The following GUCY1A1 variants were observed in gnomAD, a reference collection of about 807,000 sequenced individuals.
GUCY1A1 encodes guanylate cyclase 1 soluble subunit alpha 1.
Under a neutral mutation model 64.5 loss-of-function variants are expected in GUCY1A1, and 48 were observed. The observed-to-expected ratio is 0.74, with a 90% CI of 0.59 to 0.95. GUCY1A1 has a LOEUF of 0.95. Among genes scored for constraint, GUCY1A1 ranks in the 40% least tolerant of loss-of-function variants. The pLI is 0.00. For synonymous variants in GUCY1A1, 308 were observed against 303.4 expected (o/e 1.02, Z -0.16); for missense variants, 804 against 825.3 (o/e 0.97, Z 0.32).
At chr4:155,728,087 T>A (rs1055857201) in intron 9 of GUCY1A1, among the ~76,000 whole-genome samples, 1 of 151,926 alleles carries the variant, frequency 6.6e-6, no homozygotes. Flanking sequence ...AGTGAACATA[T>A]CCATATCCTT....
intron 2 of GUCY1A1, among the ~76,000 whole-genome samples, chr4:155,680,444 G>C (rs1038670201): frequency 1.5e-4 from 22 of 143,916 alleles, no homozygotes; most frequent in African/African-American, 5.7e-4. Context: ...ATTCCTACAT[G>C]AACAATTTTA....
At chr4:155,695,524 T>C (rs1459860369) in intron 2 of GUCY1A1, among the ~76,000 whole-genome samples, 1 of 152,174 alleles carries the variant, frequency 6.6e-6, no homozygotes, top group African/African-American at 2.4e-5. Flanking sequence ...CAAAGCCCGA[T>C]TGTGTAGAAA....
chr4:155,683,368 A>G (rs1190136172), intron 2 of GUCY1A1, among the ~76,000 whole-genome samples: 1 of 152,226 alleles, frequency 6.6e-6, no homozygotes, highest in Admixed American at 6.5e-5. Context: ...AAAAAATTGA[A>G]TAAATTTAAT....
At chr4:155,713,008 G>T in intron 6 of GUCY1A1, 90 bp from the exon 7 acceptor site, 1 of 1,111,098 alleles carries the variant, frequency 9.0e-7, no homozygotes, top group Non-Finnish European at 1.3e-6. Context: ...AACACAAAGG[G>T]TTTATTACTG....
Position 155,697,108 on chromosome 4 carries a change from C to A in GUCY1A1, c.241C>A (p.Leu81Met). 6.2e-7 allele frequency: 1 copy of A among 1,613,164 alleles called. No homozygotes were observed. The highest frequency in any genetic ancestry group is 8.5e-7 in the Non-Finnish European group (1 of 1,179,224). The change falls in exon 3 of 10, where the codon CTG becomes ATG. Residue 81 changes from leucine to methionine, a missense_variant. Leu to Met is a conservative substitution (Grantham distance 15). Coordinates refer to ENST00000506455, the MANE Select transcript of GUCY1A1 (RefSeq NM_001130682.3). The stretch of plus-strand genomic sequence containing the variant: ...CACTTTGGCAGAGAGTATTTGCAAA[C>A]TGATTTTCCCAGAGGTGAGTGCGTG... ...LHTLAESICK[L>M]IFPEFERLNV...
intron 2 of GUCY1A1, among the ~76,000 whole-genome samples, chr4:155,693,412 A>G (rs964431243): frequency 6.6e-6 from 1 of 152,086 alleles, no homozygotes; most frequent in Non-Finnish European, 1.5e-5. Context: ...TATGTACTGA[A>G]TTCACCCACT....
At chr4:155,711,682 GATTA>G (rs1278502317) in intron 6 of GUCY1A1, among the ~76,000 whole-genome samples, 1 of 152,122 alleles carries the variant, frequency 6.6e-6, no homozygotes, top group African/African-American at 2.4e-5. Flanking sequence ...TAATTTATTT[GATTA>G]ATTGTTACCG....
chr4:155,700,850 A>G (rs1412794964), intron 3 of GUCY1A1, among the ~76,000 whole-genome samples: 1 of 152,232 alleles, frequency 6.6e-6, no homozygotes, highest in East Asian at 1.9e-4. Context: ...CAATGTTTAC[A>G]TATATTGAAC....
chr4:155,671,136 C>A (rs193249632), intron 2 of GUCY1A1, among the ~76,000 whole-genome samples: 7 of 152,122 alleles, frequency 4.6e-5, no homozygotes, highest in African/African-American at 1.7e-4. Context: ...TGAATTAAGG[C>A]TTGTTTATGC....
At chr4:155,724,410 A>G (rs1189909389) in intron 9 of GUCY1A1, among the ~76,000 whole-genome samples, 2 of 151,870 alleles carry the variant, frequency 1.3e-5, no homozygotes, top group Non-Finnish European at 2.9e-5. Context: ...GTCTATACTC[A>G]CTATCTGTAT....
intron 4 of GUCY1A1, among the ~76,000 whole-genome samples, chr4:155,705,374 C>A (rs1325328996): frequency 1.3e-5 from 2 of 151,800 alleles, no homozygotes; most frequent in Non-Finnish European, 2.9e-5. Context: ...CATGGCGAAA[C>A]CCCGTCTCTA....
rs776457048 is a variant in GUCY1A1, at chr4:155,736,526, T to G, written c.*6295T>G. The G allele has an allele frequency of 6.6e-6, 1 of 151,984 alleles. No individual in the cohort carries two copies. The highest frequency in any genetic ancestry group is 1.5e-5 in the Non-Finnish European group (1 of 67,952). The allele number at this position is 151,984 out of a possible 1,614,324, so 9.4% of individuals were successfully genotyped here. ...TAATAAATTTTGACTAAGAACTTAC[T>G]GTTTAGAGAGAAAAAATAGTAAATA... On this transcript the variant is annotated 3_prime_UTR_variant, in exon 10 of 10. Transcript: ENST00000506455.
chr4:155,674,122 G>A (rs754226889), intron 2 of GUCY1A1, among the ~76,000 whole-genome samples: 3 of 151,272 alleles, frequency 2.0e-5, no homozygotes, highest in Admixed American at 6.6e-5. Context: ...TTGGGAGGCC[G>A]AGGCGGGTAG....
chr4:155,727,680 AC>A (rs1395528431), intron 9 of GUCY1A1, among the ~76,000 whole-genome samples: 1 of 151,802 alleles, frequency 6.6e-6, no homozygotes, highest in Non-Finnish European at 1.5e-5. Flanking sequence ...ATATAAAAAA[AC>A]AAAGCAAACA....
chr4:155,709,384 T>C (rs1188466580), intron 5 of GUCY1A1, among the ~76,000 whole-genome samples: 1 of 152,246 alleles, frequency 6.6e-6, no homozygotes, highest in African/African-American at 2.4e-5. Context: ...ATGTTAAGTG[T>C]TACTTTGTTA....
chr4:155,673,333 A>G (rs568795645), intron 2 of GUCY1A1, among the ~76,000 whole-genome samples: 3 of 151,748 alleles, frequency 2.0e-5, no homozygotes, highest in Admixed American at 1.3e-4. Flanking sequence ...TAAAGTCTGC[A>G]TGAACAAAAC....
intron 2 of GUCY1A1, among the ~76,000 whole-genome samples, chr4:155,694,456 G>A (rs952142144): frequency 6.6e-6 from 1 of 152,214 alleles, no homozygotes; most frequent in African/African-American, 2.4e-5. Flanking sequence ...TATTTTTGGA[G>A]AGGAGTGACT....
At chr4:155,728,519 T>C (rs1735060180) in intron 9 of GUCY1A1, among the ~76,000 whole-genome samples, 2 of 151,872 alleles carry the variant, frequency 1.3e-5, no homozygotes, top group African/African-American at 4.8e-5. Flanking sequence ...ATTCAATAGG[T>C]ATCTTTATAC....
chr4:155,727,100 CAG>C (rs1734794501), intron 9 of GUCY1A1, among the ~76,000 whole-genome samples: 1 of 151,910 alleles, frequency 6.6e-6, no homozygotes, highest in Admixed American at 6.6e-5. Context: ...GGAAAGATAA[CAG>C]AGAATTGGAG....
Sources: allele counts gnomAD v4.1 joint callset (sites outside exome capture counted in the v4.1 genomes callset), GRCh38; gene constraint gnomAD v4.1.1; transcripts MANE v1.5; gene names NCBI Gene and HGNC (gene_info 2026-07-23, HGNC 2026-07-21).